FARP1: variants seen among roughly 807,000 people sequenced by gnomAD.
The protein encoded by FARP1 is FERM, ARHGEF and pleckstrin domain-containing protein 1.
FARP1 carries 52 observed loss-of-function variants against 128.8 expected under a neutral mutation model. The ratio of observed to expected loss-of-function variants is 0.40; its 90% CI spans 0.32 to 0.51. The LOEUF (loss-of-function observed/expected upper bound fraction) is 0.51. Ranked by LOEUF, FARP1 falls within the 20% of genes least tolerant of loss-of-function variation. FARP1 has a pLI of 0.45. For synonymous variants in FARP1, 580 were observed against 551.8 expected (o/e 1.05, Z -0.72); for missense variants, 1,333 against 1,367.9 (o/e 0.97, Z 0.40).
chr13:98,287,865 G>A (rs1429662958), intron 2 of FARP1, among the ~76,000 whole-genome samples: 2 of 145,622 alleles, frequency 1.4e-5, no homozygotes, highest in Admixed American at 7.1e-5. Context: ...GCAGTGGCAC[G>A]GTCTCGGCTC....
intron 3 of FARP1, among the ~76,000 whole-genome samples, chr13:98,348,252 G>T (rs1888262555): frequency 6.6e-6 from 1 of 152,178 alleles, no homozygotes; most frequent in Non-Finnish European, 1.5e-5. Flanking sequence ...TCCTGCTCTT[G>T]CTCTTGTCCA....
chr13:98,159,887 A>T (rs1876757140), intron 1 of FARP1, among the ~76,000 whole-genome samples: 1 of 152,216 alleles, frequency 6.6e-6, no homozygotes, highest in South Asian at 2.1e-4. Flanking sequence ...CCTAGTGCCA[A>T]GTAATGAGCA....
At chr13:98,207,745 C>G (rs1030918708) in intron 1 of FARP1, among the ~76,000 whole-genome samples, 4 of 152,102 alleles carry the variant, frequency 2.6e-5, no homozygotes, top group Non-Finnish European at 5.9e-5. Context: ...GGAAGGCCAA[C>G]TTGACTGATG....
chr13:98,283,132 A>G (rs1885010296), intron 2 of FARP1, among the ~76,000 whole-genome samples: 1 of 152,198 alleles, frequency 6.6e-6, no homozygotes, highest in Non-Finnish European at 1.5e-5. Flanking sequence ...AAAGAGGATC[A>G]TTTTGACTTG....
At chr13:98,171,923 T>C (rs964035473) in intron 1 of FARP1, among the ~76,000 whole-genome samples, 9 of 152,170 alleles carry the variant, frequency 5.9e-5, no homozygotes, top group African/African-American at 1.9e-4. Flanking sequence ...TTTTCTTCCC[T>C]ATCACACAGA....
At chr13:98,311,609 T>G (rs1367984410) in intron 2 of FARP1, among the ~76,000 whole-genome samples, 1 of 151,858 alleles carries the variant, frequency 6.6e-6, no homozygotes, top group Non-Finnish European at 1.5e-5. Context: ...GTTGGGAAAG[T>G]GGTGGCTTTT....
At chr13:98,418,472 G>A (rs1250061037) in intron 16 of FARP1, among the ~76,000 whole-genome samples, 1 of 151,966 alleles carries the variant, frequency 6.6e-6, no homozygotes, top group Non-Finnish European at 1.5e-5. Context: ...AAGGGGTTTC[G>A]TCATGTTGGC....
intron 2 of FARP1, among the ~76,000 whole-genome samples, chr13:98,314,274 C>CTTTTTTTTTTTTTTTTTT (rs140938723): frequency 6.7e-5 from 4 of 59,988 alleles, no homozygotes; most frequent in East Asian, 5.7e-4. Context: ...TATTTTATGT[C>CTTTTTTTTTTTTTTTTTT]TTTTTTTTTT....
chr13:98,255,120 C>T (rs2139508789), intron 2 of FARP1, among the ~76,000 whole-genome samples: 1 of 152,162 alleles, frequency 6.6e-6, no homozygotes, highest in South Asian at 2.1e-4. Context: ...GCCCCTTTGG[C>T]CACCTTCAGA....
chr13:98,418,063 T>C (rs1015361554), intron 16 of FARP1, among the ~76,000 whole-genome samples: 6 of 152,186 alleles, frequency 3.9e-5, no homozygotes, highest in Non-Finnish European at 7.3e-5. Context: ...TTTATTAGTT[T>C]TTTAGAGACA....
In FARP1 at chr13:98,388,983, G is replaced by A. The variant is rs777961829; in HGVS notation, c.855+505G>A. 2.0e-4 allele frequency among the ~76,000 whole-genome samples: 30 copies of A among 152,250 alleles called. 1 individual carries two copies. Among genetic ancestry groups the A allele is most frequent in the Admixed American group, 3.9e-4 (6 of 15,290 alleles). The stretch of plus-strand genomic sequence containing the variant: ...CTGTGGCCCACGCCAGGACTGGGAC[G>A]GGAAGGGAGGAGAAGCCTCTTCTTT... On this transcript the variant is annotated intron_variant, in intron 9 of 26. Coordinates refer to ENST00000319562, the MANE Select transcript of FARP1 (RefSeq NM_005766.4).
intron 2 of FARP1, among the ~76,000 whole-genome samples, chr13:98,327,782 GTT>G (rs1887298251): frequency 6.6e-6 from 1 of 152,140 alleles, no homozygotes; most frequent in Admixed American, 6.5e-5. Flanking sequence ...GGAGCTTTTT[GTT>G]TCTCATAAAG....
Position 98,287,867 on chromosome 13 carries a change from T to C in FARP1, c.172-55895T>C, listed in dbSNP as rs570379051. The stretch of plus-strand genomic sequence containing the variant: ...ACCAGGCTGCAGTGCAGTGGCACGG[T>C]CTCGGCTCACTGCAACCTCTGACTC... On this transcript the variant is annotated intron_variant, in intron 2 of 26. Transcript: ENST00000319562. 2.6e-3 allele frequency among the ~76,000 whole-genome samples: 381 copies of C among 147,760 alleles called. 2 individuals carry two copies. The highest frequency in any genetic ancestry group is 4.7e-3 in the Non-Finnish European group (318 of 67,382).
Position 98,442,063 on chromosome 13 carries a change from G to A in FARP1, c.2796+1227G>A, listed in dbSNP as rs58126523. Among the ~76,000 whole-genome samples the A allele has an allele frequency of 8.5e-3, 1,292 of 152,338 alleles. 20 individuals are homozygous for A. Among genetic ancestry groups the A allele is most frequent in the African/African-American group, 0.03 (1,235 of 41,572 alleles). On this transcript the variant is annotated intron_variant, in intron 24 of 26. Coordinates refer to ENST00000319562, the MANE Select transcript of FARP1 (RefSeq NM_005766.4). ...AGTGGAAGCTGCCCTGAGCTGGGGC[G>A]AGGCCATTCATCATTGTGATTGTGT...
intron 1 of FARP1, among the ~76,000 whole-genome samples, chr13:98,183,585 C>G (rs1320691072): frequency 6.6e-6 from 1 of 152,204 alleles, no homozygotes; most frequent in East Asian, 1.9e-4. Flanking sequence ...ACAGCGGGCA[C>G]TGCATTTTTG....
chr13:98,396,153 G>A, intron 13 of FARP1: 1 of 399,222 alleles, frequency 2.5e-6, no homozygotes, highest in South Asian at 1.3e-4. Context: ...GGAAGTGGGG[G>A]CAAGCCAGCG....
chr13:98,408,281 C>T (rs1002372315), intron 13 of FARP1, among the ~76,000 whole-genome samples: 45 of 149,816 alleles, frequency 3.0e-4, no homozygotes, highest in African/African-American at 1.0e-3. Flanking sequence ...GTGTCCTATA[C>T]ATATCATCTC....
chr13:98,445,990 A>C, intron 24 of FARP1, 108 bp from the exon 25 acceptor site: 1 of 708,432 alleles, frequency 1.4e-6, no homozygotes. Context: ...CACATCCTTC[A>C]GTCACGGACA....
At chr13:98,323,291 T>C (rs1163373833) in intron 2 of FARP1, among the ~76,000 whole-genome samples, 2 of 152,158 alleles carry the variant, frequency 1.3e-5, no homozygotes, top group Non-Finnish European at 2.9e-5. Flanking sequence ...CATTAATATA[T>C]TTAAGCAGGT....
Sources: allele counts gnomAD v4.1 joint callset (sites outside exome capture counted in the v4.1 genomes callset), GRCh38; gene constraint gnomAD v4.1.1; transcripts MANE v1.5; gene names NCBI Gene and HGNC (gene_info 2026-07-23, HGNC 2026-07-21).